The following TDRD12 variants were observed in gnomAD, a reference collection of about 807,000 sequenced individuals.
TDRD12 encodes the protein putative ATP-dependent RNA helicase TDRD12.
Under a neutral mutation model 133.5 loss-of-function variants are expected in TDRD12, and 158 were observed. That is an observed-to-expected ratio of 1.18 (90% CI 1.04 to 1.35). The LOEUF (loss-of-function observed/expected upper bound fraction) is 1.35. Ranked by LOEUF, TDRD12 falls within the 40% of genes most tolerant of loss-of-function variation. TDRD12 has a pLI of 0.00. For synonymous variants in TDRD12, 460 were observed against 477.9 expected (o/e 0.96, Z 0.49); for missense variants, 1,443 against 1,321.3 (o/e 1.09, Z -1.43).
In TDRD12 at chr19:32,741,408, T is replaced by G. The variant is rs367629207; in HGVS notation, c.321-1373T>G. Among the ~76,000 whole-genome samples the G allele has an allele frequency of 6.6e-5, 10 of 152,330 alleles. No individual in the cohort carries two copies. The East Asian group carries it at 1.9e-3, about 29-fold the overall frequency. ...GAGGTGTCTATTGAATAGAAGAATT[T>G]CATGGCATACGTGTTTATCAGACAT... On this transcript the variant is annotated intron_variant, in intron 3 of 27. Coordinates refer to ENST00000444215, the Ensembl canonical transcript of TDRD12.
At chr19:32,791,311 GT>G (rs1971064798) in intron 13 of TDRD12, among the ~76,000 whole-genome samples, 1 of 152,164 alleles carries the variant, frequency 6.6e-6, no homozygotes, top group Non-Finnish European at 1.5e-5. Context: ...CTGTGTAACT[GT>G]GAGCCCCTTC....
intron 11 of TDRD12, among the ~76,000 whole-genome samples, chr19:32,787,344 G>A (rs1970937709): frequency 1.3e-5 from 2 of 152,134 alleles, no homozygotes; most frequent in South Asian, 4.1e-4. Context: ...GGCCCCTACT[G>A]GGAGATGTCT....
At chr19:32,778,996 A>C (rs1202744976) in intron 11 of TDRD12, among the ~76,000 whole-genome samples, 1 of 152,222 alleles carries the variant, frequency 6.6e-6, no homozygotes, top group Non-Finnish European at 1.5e-5. Context: ...CCTTAGGGAC[A>C]CAGGGATGAC....
At chr19:32,746,874 CTG>C (rs200638751) in intron 4 of TDRD12, among the ~76,000 whole-genome samples, 16 of 135,726 alleles carry the variant, frequency 1.2e-4, no homozygotes, top group East Asian at 4.7e-4. Flanking sequence ...TGTGGTTATT[CTG>C]TGTGTGTGTG....
At chr19:32,805,178 T>TAATATATAATATATAA (rs1971508646) in intron 21 of TDRD12, among the ~76,000 whole-genome samples, 1 of 111,028 alleles carries the variant, frequency 9.0e-6, no homozygotes, top group Non-Finnish European at 1.7e-5. Flanking sequence ...ATTATATATA[T>TAATATATAATATATAA]AACATATATA....
chr19:32,789,837 A>G (rs10409119), intron 11 of TDRD12, among the ~76,000 whole-genome samples: 59,140 of 151,842 alleles, frequency 0.39, 11,787 homozygotes, highest in East Asian at 0.49. Context: ...CCCTGTCTCT[A>G]CTAAAAATAC....
chr19:32,758,857 C>T (rs971456254), intron 8 of TDRD12, among the ~76,000 whole-genome samples: 1 of 150,702 alleles, frequency 6.6e-6, no homozygotes, highest in Non-Finnish European at 1.5e-5. Context: ...ATTGCTTGAA[C>T]TGGGAGGTGG....
At chr19:32,789,726 C>T (rs950216437) in intron 11 of TDRD12, among the ~76,000 whole-genome samples, 13 of 152,168 alleles carry the variant, frequency 8.5e-5, no homozygotes, top group African/African-American at 2.4e-5. Context: ...CAGGGCCGGG[C>T]GCAGTGGCTC....
chr19:32,753,986 T>TTTG (rs1969915636), intron 6 of TDRD12, among the ~76,000 whole-genome samples: 1 of 152,190 alleles, frequency 6.6e-6, no homozygotes, highest in Non-Finnish European at 1.5e-5. Context: ...GCAGCCAAAA[T>TTTG]ACTGTTTGCC....
At chr19:32,759,475 ATCACAGC>A (rs1229121818) in intron 8 of TDRD12, among the ~76,000 whole-genome samples, 1 of 151,234 alleles carries the variant, frequency 6.6e-6, no homozygotes, top group Non-Finnish European at 1.5e-5. Flanking sequence ...CAGTAGTGTG[ATCACAGC>A]TCACTGCAGC....
intron 11 of TDRD12, among the ~76,000 whole-genome samples, chr19:32,781,233 C>T (rs371044629): frequency 2.0e-5 from 3 of 152,148 alleles, no homozygotes; most frequent in Non-Finnish European, 2.9e-5. Context: ...TGAGCCACCG[C>T]GCTCGGCCAT....
At chr19:32,764,415 G>A (rs1018442313) in intron 8 of TDRD12, among the ~76,000 whole-genome samples, 17 of 151,990 alleles carry the variant, frequency 1.1e-4, no homozygotes, top group Non-Finnish European at 2.2e-4. Context: ...TGGCTATATT[G>A]TCCATCTTCA....
At chr19:32,763,380 C>T (rs561978279) in intron 8 of TDRD12, among the ~76,000 whole-genome samples, 1 of 152,184 alleles carries the variant, frequency 6.6e-6, no homozygotes, top group African/African-American at 2.4e-5. Context: ...CTCAGGTGCC[C>T]CTCAGCATCC....
chr19:32,799,770 C>T (rs181651227), intron 16 of TDRD12, among the ~76,000 whole-genome samples: 196 of 137,996 alleles, frequency 1.4e-3, no homozygotes, highest in African/African-American at 4.8e-3. Flanking sequence ...GTCCCACCCT[C>T]GTCGCCCAGG....
chr19:32,753,302 A>G (rs1276661040), intron 6 of TDRD12, among the ~76,000 whole-genome samples: 1 of 152,162 alleles, frequency 6.6e-6, no homozygotes, highest in Non-Finnish European at 1.5e-5. Flanking sequence ...ACACATATTA[A>G]GAGCTTTGAT....
intron 14 of TDRD12, among the ~76,000 whole-genome samples, chr19:32,796,435 A>G (rs1971229531): frequency 6.6e-6 from 1 of 152,062 alleles, no homozygotes; most frequent in Non-Finnish European, 1.5e-5. Context: ...AAATACAAAA[A>G]TTAGCTGGGC....
chr19:32,750,216 G>A (rs1476453119), intron 6 of TDRD12, among the ~76,000 whole-genome samples: 7 of 151,964 alleles, frequency 4.6e-5, no homozygotes, highest in Non-Finnish European at 1.0e-4. Flanking sequence ...TGTATGTAAC[G>A]TGCTTGCTGT....
intron 1 of TDRD12, among the ~76,000 whole-genome samples, chr19:32,726,418 C>T (rs1252203048): frequency 6.6e-6 from 1 of 152,180 alleles, no homozygotes; most frequent in Admixed American, 6.5e-5. Flanking sequence ...ACCAATGTCC[C>T]TCTCCAGAAG....
intron 21 of TDRD12, among the ~76,000 whole-genome samples, chr19:32,807,303 T>G (rs1355399502): frequency 8.1e-6 from 1 of 123,624 alleles, no homozygotes; most frequent in East Asian, 2.8e-4. Context: ...AAAAGAAAGT[T>G]TGCTAGAGAA....
Sources: gnomAD v4.1 joint callset for allele counts (sites outside exome capture counted in the v4.1 genomes callset) on GRCh38, gnomAD v4.1.1 for gene constraint, MANE v1.5 for transcripts, NCBI Gene and HGNC (gene_info 2026-07-23, HGNC 2026-07-21) for gene names.